The following IMPA1 variants were observed in gnomAD, a reference collection of about 807,000 sequenced individuals.
IMPA1 encodes D-galactose 1-phosphate phosphatase.
IMPA1 carries 21 observed loss-of-function variants against 34.9 expected under a neutral mutation model. The observed-to-expected ratio is 0.60, with a 90% CI of 0.43 to 0.87. The LOEUF is 0.87. Among genes scored for constraint, IMPA1 ranks in the 40% least tolerant of loss-of-function variants. The pLI is 0.00. For missense variants in IMPA1, 299 were observed against 336.4 expected (o/e 0.89, Z 0.87); for synonymous variants, 95 against 104.4 (o/e 0.91, Z 0.55).
At chr8:81,670,910 G>C in intron 7 of IMPA1, 29 bp downstream of exon 7, 1 of 1,159,850 alleles carries the variant, frequency 8.6e-7, no homozygotes, top group Non-Finnish European at 1.2e-6. Context: ...TATACAAAGA[G>C]AGAGATAGAA....
chr8:81,685,240 C>G (rs1166263282), intron 1 of IMPA1, among the ~76,000 whole-genome samples: 2 of 77,916 alleles, frequency 2.6e-5, no homozygotes, highest in African/African-American at 1.3e-4. Context: ...TATTTAGATA[C>G]TATATATACT....
intron 1 of IMPA1, among the ~76,000 whole-genome samples, chr8:81,684,335 C>CTA (rs1482588029): frequency 1.4e-5 from 2 of 140,808 alleles, no homozygotes; most frequent in South Asian, 4.4e-4. Context: ...TATTTAGATA[C>CTA]TATATATAGT....
intron 4 of IMPA1, among the ~76,000 whole-genome samples, chr8:81,677,385 G>A (rs563878805): frequency 6.6e-5 from 10 of 152,258 alleles, no homozygotes; most frequent in African/African-American, 2.2e-4. Context: ...ATGAGCCACC[G>A]CGCCTGGCCT....
intron 7 of IMPA1, among the ~76,000 whole-genome samples, chr8:81,668,629 A>G (rs950431454): frequency 6.6e-6 from 1 of 152,064 alleles, no homozygotes; most frequent in African/African-American, 2.4e-5. Context: ...ACCAAAAAGA[A>G]AGGAAGCAGA....
chr8:81,671,168 AAAT>A, intron 6 of IMPA1, 121 bp from the exon 7 acceptor site: 1 of 496,080 alleles, frequency 2.0e-6, no homozygotes, highest in Non-Finnish European at 3.5e-6. Flanking sequence ...ATAAGCATTT[AAAT>A]AATAAAATAC....
intron 7 of IMPA1, among the ~76,000 whole-genome samples, chr8:81,660,971 T>C (rs1374875157): frequency 6.6e-6 from 1 of 152,206 alleles, no homozygotes; most frequent in Non-Finnish European, 1.5e-5. Context: ...AGTATATTAA[T>C]ATTTGTCTAA....
chr8:81,684,164 CAT>C (rs913945732), intron 1 of IMPA1, among the ~76,000 whole-genome samples: 6 of 143,732 alleles, frequency 4.2e-5, no homozygotes, highest in East Asian at 2.0e-4. Context: ...CATACACACA[CAT>C]ACACATATAT....
At chr8:81,685,310 T>A (rs1314869670) in intron 1 of IMPA1, among the ~76,000 whole-genome samples, 3 of 134,158 alleles carry the variant, frequency 2.2e-5, no homozygotes, top group African/African-American at 8.6e-5. Context: ...CATAGTATAT[T>A]TATGTACTAT....
intron 7 of IMPA1, among the ~76,000 whole-genome samples, chr8:81,661,442 T>C (rs1806669778): frequency 6.6e-6 from 1 of 152,186 alleles, no homozygotes. Flanking sequence ...CCTGATAAAA[T>C]GCACTGAGAA....
In IMPA1 at chr8:81,681,376, G is replaced by T; in HGVS notation, c.63+122C>A. On this transcript the variant is annotated intron_variant, in intron 2 of 8. Transcript: ENST00000256108. ...TTCCTGCCACTACATTCCAGCTTGG[G>T]TGACAAGCAAGACCGTTTCAAAAAA... 7.8e-6 allele frequency: 5 copies of T among 641,966 alleles called. No individual in the cohort carries two copies. In the Admixed American group the frequency reaches 9.8e-5, roughly 13 times the overall value. 39.8% of individuals were successfully genotyped at this position (641,966 alleles called of 1,614,324 possible).
intron 6 of IMPA1, among the ~76,000 whole-genome samples, chr8:81,673,573 A>G (rs1807049783): frequency 6.6e-6 from 1 of 152,202 alleles, no homozygotes; most frequent in Non-Finnish European, 1.5e-5. Flanking sequence ...CCTGTCTCAG[A>G]TATTTTGGGT....
intron 1 of IMPA1, among the ~76,000 whole-genome samples, chr8:81,684,919 T>TA (rs1807451357): frequency 7.6e-6 from 1 of 132,262 alleles, no homozygotes; most frequent in Non-Finnish European, 1.6e-5. Flanking sequence ...ATTTAGATAC[T>TA]ATGTATAGTA....
At position 81,657,253 on chromosome 8, in the gene IMPA1, A is replaced by G. The variant is rs1806544418; in HGVS notation, c.*2098T>C. On this transcript the variant is annotated 3_prime_UTR_variant, in exon 9 of 9. Coordinates refer to ENST00000256108, the MANE Select transcript of IMPA1 (RefSeq NM_005536.4). ...AAAAAATAAGAACATATATTAAATT[A>G]CATTTGCAAGTTTCAAATATTTGTA... is the stretch of plus-strand genomic sequence containing the variant. Among the ~76,000 whole-genome samples the G allele has an allele frequency of 6.6e-6, 1 of 152,222 alleles. No homozygotes were observed. The highest frequency in any genetic ancestry group is 2.4e-5 in the African/African-American group (1 of 41,462).
At chr8:81,677,714 A>T (rs1807171639) in intron 4 of IMPA1, among the ~76,000 whole-genome samples, 1 of 152,260 alleles carries the variant, frequency 6.6e-6, no homozygotes, top group Admixed American at 6.5e-5. Flanking sequence ...TACACACTGT[A>T]TTGTACTGTC....
Position 81,673,726 on chromosome 8 carries a change from TA to T in IMPA1, c.457+114del, listed in dbSNP as rs1204325409. 5 of 635,200 alleles carry T rather than the reference TA, an allele frequency of 7.9e-6. No homozygotes were observed. The African/African-American group carries it at 9.2e-5, about 12-fold the overall frequency. The allele number at this position is 635,200 out of a possible 1,614,324, so 39.3% of individuals were successfully genotyped here. A position where few individuals can be genotyped will look rare whatever the true frequency, so the allele number is the denominator to read the frequency against. The stretch of plus-strand genomic sequence containing the variant: ...GAAGTCAAAAAGAATAAAGAGATAA[TA>T]AACACAATTTATGAATCAGTTAACA... On this transcript the variant is annotated intron_variant, in intron 6 of 8. Transcript: ENST00000256108.
intron 1 of IMPA1, among the ~76,000 whole-genome samples, chr8:81,685,138 T>C (rs1218918466): frequency 7.4e-6 from 1 of 134,966 alleles, no homozygotes; most frequent in Non-Finnish European, 1.5e-5. Context: ...TTAGATACTA[T>C]ATATAGTATA....
chr8:81,662,800 C>T (rs1806716211), intron 7 of IMPA1, among the ~76,000 whole-genome samples: 2 of 152,120 alleles, frequency 1.3e-5, no homozygotes, highest in East Asian at 1.9e-4. Flanking sequence ...TAAAATTGTT[C>T]TCTAAACCAT....
At chr8:81,671,177 A>G (rs890871096) in intron 6 of IMPA1, 130 bp from the exon 7 acceptor site, 6 of 479,542 alleles carry the variant, frequency 1.3e-5, no homozygotes, top group African/African-American at 1.2e-4. Flanking sequence ...TAAATAATAA[A>G]ATACTGATAA....
Position 81,686,268 on chromosome 8 carries a change from T to G in IMPA1, c.-41A>C. The G allele has an allele frequency of 1.0e-6, 1 of 1,000,268 alleles. No homozygotes were observed. Among genetic ancestry groups the G allele is most frequent in the Non-Finnish European group, 1.2e-6 (1 of 838,716 alleles). 62.0% of individuals were successfully genotyped at this position (1,000,268 alleles called of 1,614,324 possible). A position where few individuals can be genotyped will look rare whatever the true frequency, so the allele number is the denominator to read the frequency against. ...CGGTCTCACCTTGAGTCGGAGGACGTCCGGCTAGCTCTGTGAACGGTGTTA... is the reference window on the plus strand; with the variant it reads ...CGGTCTCACCTTGAGTCGGAGGACGGCCGGCTAGCTCTGTGAACGGTGTTA... On this transcript the variant is annotated 5_prime_UTR_variant, in exon 1 of 9. Coordinates refer to ENST00000256108, the MANE Select transcript of IMPA1 (RefSeq NM_005536.4).
Sources: allele counts gnomAD v4.1 joint callset (sites outside exome capture counted in the v4.1 genomes callset), GRCh38; gene constraint gnomAD v4.1.1; transcripts MANE v1.5; gene names NCBI Gene and HGNC (gene_info 2026-07-23, HGNC 2026-07-21).